VDAC1: variants seen among roughly 807,000 people sequenced by gnomAD.
VDAC1 encodes voltage dependent anion channel 1, also known as non-selective voltage-gated ion channel VDAC1.
A neutral mutation model predicts 34.7 loss-of-function variants in VDAC1; 10 were observed. That is an observed-to-expected ratio of 0.29 (90% CI 0.18 to 0.49). VDAC1 has a LOEUF of 0.49. VDAC1 is among the 20% of genes least tolerant of loss of function. VDAC1 has a pLI of 0.99. For synonymous variants in VDAC1, 130 were observed against 136.0 expected, an observed-to-expected ratio of 0.96 and a Z score of 0.30; for missense variants, 230 against 347.9, an observed-to-expected ratio of 0.66 and a Z score of 2.69.
chr5:134,032,797 C>T, the VDAC1 span, among the ~76,000 whole-genome samples: 474 of 152,260 alleles, frequency 3.1e-3, 4 homozygotes, highest in African/African-American at 0.011. Context: ...TTTGGGCAGC[C>T]GAGGTAGGAG....
At chr5:134,041,700 C>CCTGG in the VDAC1 span, among the ~76,000 whole-genome samples, 11 of 152,194 alleles carry the variant, frequency 7.2e-5, no homozygotes, top group African/African-American at 2.7e-4. Context: ...TGGAGCCATG[C>CCTGG]CTGGGACTTG....
chr5:134,001,543 C>T (rs1477032827), intron 1 of VDAC1, among the ~76,000 whole-genome samples: 1 of 151,822 alleles, frequency 6.6e-6, no homozygotes, highest in African/African-American at 2.4e-5. Flanking sequence ...GGTGAAACCC[C>T]ATCTCTACTA....
At chr5:134,072,027 C>T in the VDAC1 span, among the ~76,000 whole-genome samples, 1 of 152,208 alleles carries the variant, frequency 6.6e-6, no homozygotes, top group African/African-American at 2.4e-5. Flanking sequence ...TAGTGGAATC[C>T]AGTCCCCCAC....
At chr5:134,096,136 C>T in the VDAC1 span, among the ~76,000 whole-genome samples, 1 of 152,252 alleles carries the variant, frequency 6.6e-6, no homozygotes. Context: ...TTTCCTTTCC[C>T]CAGGGCCCGG....
At chr5:134,092,422 C>T in the VDAC1 span, among the ~76,000 whole-genome samples, 6 of 152,108 alleles carry the variant, frequency 3.9e-5, no homozygotes, top group Admixed American at 3.3e-4. Context: ...GGAAGAGCTC[C>T]GGGGCACAGG....
intron 1 of VDAC1, among the ~76,000 whole-genome samples, chr5:134,000,695 T>C (rs1319549747): frequency 1.5e-5 from 1 of 66,914 alleles, no homozygotes; most frequent in African/African-American, 6.5e-5. Flanking sequence ...TCAGCTCTAA[T>C]ATGGAGAAAG....
the VDAC1 span, among the ~76,000 whole-genome samples, chr5:134,012,371 T>G: frequency 2.0e-5 from 3 of 152,178 alleles, no homozygotes; most frequent in African/African-American, 7.2e-5. Flanking sequence ...AATAGGAAAC[T>G]AATATACAAC....
chr5:134,095,312 T>C, the VDAC1 span, among the ~76,000 whole-genome samples: 1 of 151,648 alleles, frequency 6.6e-6, no homozygotes, highest in African/African-American at 2.4e-5. Context: ...GGAGATCCCA[T>C]CTCTACAAAA....
At chr5:134,073,694 C>G in the VDAC1 span, among the ~76,000 whole-genome samples, 1 of 152,154 alleles carries the variant, frequency 6.6e-6, no homozygotes, top group Non-Finnish European at 1.5e-5. Context: ...CTGGAGAATA[C>G]TAAGCAGTCA....
the VDAC1 span, among the ~76,000 whole-genome samples, chr5:134,055,599 T>TTTTTTGTTTTTG: frequency 1.5e-5 from 2 of 134,830 alleles, no homozygotes; most frequent in African/African-American, 5.9e-5. Context: ...TTTTTTTTTT[T>TTTTTTGTTTTTG]TTTTTTTTTT....
At chr5:134,060,943 T>A in the VDAC1 span, among the ~76,000 whole-genome samples, 1 of 130,330 alleles carries the variant, frequency 7.7e-6, no homozygotes, top group Non-Finnish European at 1.6e-5. Context: ...AATGGTGCGA[T>A]CAGCTCACTG....
intron 1 of VDAC1, among the ~76,000 whole-genome samples, chr5:133,995,954 G>C (rs1753286010): frequency 6.6e-6 from 1 of 151,844 alleles, no homozygotes; most frequent in African/African-American, 2.4e-5. Flanking sequence ...ACCCAGATCT[G>C]CTCCAAATCG....
chr5:133,993,003 G>C lies in VDAC1; in HGVS notation c.10C>G (p.Pro4Ala), dbSNP rs1421328457. 6.2e-7 allele frequency: 1 copy of C among 1,612,692 alleles called. No homozygotes were observed. The highest frequency in any genetic ancestry group is 2.2e-5 in the East Asian group (1 of 44,860). Residue 4 changes from proline to alanine, a missense_variant, in exon 2 of 9, where the codon CCA (proline) becomes GCA (alanine). By Grantham distance (27) the Pro-to-Ala change is conservative. Coordinates refer to ENST00000265333, the MANE Select transcript of VDAC1 (RefSeq NM_003374.3). ...TTGCCAAGATCGGCATACGTGGGTG[G>C]CACAGCCATCTTCTGCTATGATAAA... Reference protein sequence around the residue: MAVPPTYADLGKSA... With the variant: MAVAPTYADLGKSA...
chr5:133,972,899 G>A, intron 8 of VDAC1, 37 bp from the exon 9 acceptor site: 1 of 1,526,392 alleles, frequency 6.6e-7, no homozygotes, highest in Non-Finnish European at 9.1e-7. Flanking sequence ...AAAGGAGGAG[G>A]AATGGAGGAA....
the VDAC1 span, among the ~76,000 whole-genome samples, chr5:134,075,615 G>A: frequency 2.6e-5 from 4 of 151,998 alleles, no homozygotes; most frequent in Non-Finnish European, 5.9e-5. Context: ...ACAGAGTCTC[G>A]CTCTGTTGCC....
At chr5:133,975,544 T>C (rs532055637) in intron 7 of VDAC1, among the ~76,000 whole-genome samples, 1 of 148,400 alleles carries the variant, frequency 6.7e-6, no homozygotes, top group Admixed American at 6.8e-5. Context: ...CACTGCAACC[T>C]CCGCCTCCCC....
chr5:134,083,522 C>T, the VDAC1 span, among the ~76,000 whole-genome samples: 5 of 152,166 alleles, frequency 3.3e-5, no homozygotes, highest in South Asian at 2.1e-4. Flanking sequence ...CATTATCCTG[C>T]ATGGTTAGAA....
chr5:134,055,832 G>T, the VDAC1 span, among the ~76,000 whole-genome samples: 2 of 151,834 alleles, frequency 1.3e-5, no homozygotes, highest in African/African-American at 4.8e-5. Context: ...ATTGTTATCA[G>T]CCCCTTCCAG....
At chr5:134,036,610 C>T in the VDAC1 span, among the ~76,000 whole-genome samples, 1 of 151,244 alleles carries the variant, frequency 6.6e-6, no homozygotes. Flanking sequence ...GAGCTATAAT[C>T]ACACCACTGC....
Sources: allele counts gnomAD v4.1 joint callset (sites outside exome capture counted in the v4.1 genomes callset), GRCh38; gene constraint gnomAD v4.1.1; transcripts MANE v1.5; gene names NCBI Gene and HGNC (gene_info 2026-07-23, HGNC 2026-07-21).